The following ASTN2 variants were observed in gnomAD, a reference collection of about 807,000 sequenced individuals.
ASTN2 encodes the protein astrotactin 2.
A neutral mutation model predicts 139.8 loss-of-function variants in ASTN2; 54 were observed. That is an observed-to-expected ratio of 0.39 (90% confidence interval 0.31 to 0.48). The LOEUF (loss-of-function observed/expected upper bound fraction) is 0.48, where lower values mean the gene tolerates loss of function less well. Ranked by LOEUF, ASTN2 falls within the 20% of genes least tolerant of loss-of-function variation. The probability of loss-of-function intolerance (pLI) is 0.95; values close to 1 mark genes in which losing one functional copy is unlikely to be tolerated. For missense variants in ASTN2, 1,565 were observed against 1,725.1 expected, an observed-to-expected ratio of 0.91 and a Z score of 1.64; for synonymous variants, 756 against 719.5, an observed-to-expected ratio of 1.05 and a Z score of -0.81.
At chr9:116,536,391 GC>G (rs1200138904) in intron 19 of ASTN2, among the ~76,000 whole-genome samples, 1 of 152,102 alleles carries the variant, frequency 6.6e-6, no homozygotes, top group Non-Finnish European at 1.5e-5. Context: ...TTGTTCTGTT[GC>G]TGGTGAGGAG....
At chr9:116,746,421 A>T (rs1829236097) in intron 13 of ASTN2, among the ~76,000 whole-genome samples, 2 of 151,898 alleles carry the variant, frequency 1.3e-5, no homozygotes, top group African/African-American at 4.8e-5. Context: ...CTCTTACTTC[A>T]TCCTATCCTC....
chr9:116,669,809 A>ATTTT lies in ASTN2; in HGVS notation c.2807-18020_2807-18017dup, dbSNP rs34822441. Among the ~76,000 whole-genome samples, 76 of 144,196 alleles carry ATTTT rather than the reference A, an allele frequency of 5.3e-4. 1 individual carries two copies. The highest frequency in any genetic ancestry group is 1.8e-3 in the African/African-American group (72 of 39,112). 94.6% of individuals were successfully genotyped at this position (144,196 alleles called of 152,430 possible). ...TTATCAATGATTCCTTATGTATTGTATTTTTTTTTTTTTTGAGACAGAGTC... is the reference window on the plus strand; with the variant it reads ...TTATCAATGATTCCTTATGTATTGTATTTTTTTTTTTTTTTTTTGAGACAGAGTC... On this transcript the variant is annotated intron_variant, in intron 16 of 22. Coordinates refer to ENST00000313400, the MANE Select transcript of ASTN2 (RefSeq NM_001365068.1).
At chr9:117,065,948 A>G (rs116281431) in intron 5 of ASTN2, among the ~76,000 whole-genome samples, 3,916 of 152,146 alleles carry the variant, frequency 0.026, 164 homozygotes, top group African/African-American at 0.087. Flanking sequence ...TAGGTAGAAG[A>G]TTAAATGAGA....
intron 19 of ASTN2, among the ~76,000 whole-genome samples, chr9:116,513,003 T>C (rs1376635530): frequency 6.6e-6 from 1 of 152,208 alleles, no homozygotes; most frequent in Non-Finnish European, 1.5e-5. Flanking sequence ...CATTTACATT[T>C]AAGGTTAATA....
intron 16 of ASTN2, among the ~76,000 whole-genome samples, chr9:116,670,160 A>C (rs1296272232): frequency 6.6e-6 from 1 of 152,220 alleles, no homozygotes; most frequent in Non-Finnish European, 1.5e-5. Flanking sequence ...TGGGATGCTG[A>C]ACAAATAAAC....
At chr9:116,619,565 C>A (rs1458891169) in intron 18 of ASTN2, among the ~76,000 whole-genome samples, 1 of 151,922 alleles carries the variant, frequency 6.6e-6, no homozygotes, top group Non-Finnish European at 1.5e-5. Flanking sequence ...ACTCTGTCAC[C>A]AGGGCTGTAG....
chr9:117,037,069 C>T (rs181155788), intron 6 of ASTN2, among the ~76,000 whole-genome samples: 31 of 152,078 alleles, frequency 2.0e-4, no homozygotes, highest in Middle Eastern at 3.4e-3. Context: ...AACATTCATC[C>T]ACTGGACACA....
chr9:117,036,506 C>G (rs1221474726), intron 6 of ASTN2, among the ~76,000 whole-genome samples: 1 of 152,178 alleles, frequency 6.6e-6, no homozygotes, highest in African/African-American at 2.4e-5. Context: ...GGGAGCATCC[C>G]TTTCATATGA....
At chr9:117,001,418 A>T (rs1040353394) in intron 7 of ASTN2, among the ~76,000 whole-genome samples, 2 of 152,148 alleles carry the variant, frequency 1.3e-5, no homozygotes, top group African/African-American at 4.8e-5. Flanking sequence ...AGGGAGTTAG[A>T]TGCTCTCCAA....
chr9:116,620,448 A>G lies in ASTN2; in HGVS notation c.3073-5T>C. The G allele has an allele frequency of 6.2e-7, 1 of 1,614,054 alleles. No homozygotes were observed. Reference sequence around the variant, plus strand: ...CATCAGTGCACTCTTGAAGGCCTGGACAAAAAAAGAGGACAGAATAGACAA... The same window carrying G: ...CATCAGTGCACTCTTGAAGGCCTGGGCAAAAAAAGAGGACAGAATAGACAA... On this transcript the variant is annotated splice_polypyrimidine_tract_variant and splice_region_variant and intron_variant, in intron 17 of 22. Coordinates refer to ENST00000313400, the MANE Select transcript of ASTN2 (RefSeq NM_001365068.1).
At chr9:116,797,352 G>T (rs142135365) in intron 13 of ASTN2, among the ~76,000 whole-genome samples, 1 of 152,246 alleles carries the variant, frequency 6.6e-6, no homozygotes, top group East Asian at 1.9e-4. Context: ...CTTGATTCCT[G>T]CAGAAGATGT....
chr9:117,015,282 G>A (rs1396326900), intron 6 of ASTN2, among the ~76,000 whole-genome samples: 1 of 152,164 alleles, frequency 6.6e-6, no homozygotes, highest in African/African-American at 2.4e-5. Context: ...GCCTCTCAAA[G>A]TGTTGGGATT....
At chr9:116,693,550 G>A (rs1365770679) in intron 16 of ASTN2, among the ~76,000 whole-genome samples, 1 of 152,192 alleles carries the variant, frequency 6.6e-6, no homozygotes, top group African/African-American at 2.4e-5. Context: ...GGTATGGGAT[G>A]TACAGTATTA....
chr9:116,655,471 C>G (rs1278879236), intron 16 of ASTN2, among the ~76,000 whole-genome samples: 2 of 152,176 alleles, frequency 1.3e-5, no homozygotes, highest in African/African-American at 4.8e-5. Flanking sequence ...ATCTCTTATT[C>G]TGTTCCTCTT....
chr9:117,253,129 C>G (rs899729374), intron 2 of ASTN2, among the ~76,000 whole-genome samples: 1 of 152,178 alleles, frequency 6.6e-6, no homozygotes, highest in African/African-American at 2.4e-5. Context: ...GTCAGAGCCC[C>G]TGGTCATACC....
intron 1 of ASTN2, among the ~76,000 whole-genome samples, chr9:117,324,932 T>C (rs1328096979): frequency 2.0e-5 from 3 of 151,636 alleles, no homozygotes; most frequent in African/African-American, 7.3e-5. Context: ...GCAGTGGGAG[T>C]GAAAGGGAGT....
intron 20 of ASTN2, among the ~76,000 whole-genome samples, chr9:116,473,373 T>C (rs939159525): frequency 6.6e-6 from 1 of 152,148 alleles, no homozygotes; most frequent in Admixed American, 6.5e-5. Flanking sequence ...TTCTTTATGA[T>C]AAAGAGAAAC....
intron 3 of ASTN2, among the ~76,000 whole-genome samples, chr9:117,145,155 C>T (rs959591880): frequency 7.2e-5 from 11 of 152,100 alleles, no homozygotes; most frequent in African/African-American, 2.7e-4. Flanking sequence ...GTCTTTGAGA[C>T]ATCTAAGTGG....
chr9:117,366,007 T>A (rs1829835494), intron 1 of ASTN2, among the ~76,000 whole-genome samples: 1 of 152,174 alleles, frequency 6.6e-6, no homozygotes, highest in Non-Finnish European at 1.5e-5. Context: ...ATTACATAAC[T>A]CATCCTGATC....
Sources: allele counts gnomAD v4.1 joint callset (sites outside exome capture counted in the v4.1 genomes callset), GRCh38; gene constraint gnomAD v4.1.1; transcripts MANE v1.5; gene names NCBI Gene and HGNC (gene_info 2026-07-23, HGNC 2026-07-21).